The following NRXN3 variants were observed in gnomAD, a reference collection of about 807,000 sequenced individuals.
The protein encoded by NRXN3 is neurexin III.
NRXN3 carries 32 observed loss-of-function variants against 137.6 expected under a neutral mutation model. The observed-to-expected ratio is 0.23, with a 90% CI of 0.18 to 0.31. NRXN3 has a LOEUF of 0.31. NRXN3 is among the 10% of genes least tolerant of loss of function. NRXN3 has a pLI of 1.00. For synonymous variants in NRXN3, 798 were observed against 784.5 expected, an observed-to-expected ratio of 1.02 and a Z score of -0.29; for missense variants, 1,574 against 2,062.5, an observed-to-expected ratio of 0.76 and a Z score of 4.59.
At chr14:79,083,457 G>A (rs114100043) in intron 15 of NRXN3, among the ~76,000 whole-genome samples, 470 of 152,296 alleles carry the variant, frequency 3.1e-3, no homozygotes, top group African/African-American at 0.011. Context: ...TATATTGAGC[G>A]TTTGTAATGT....
At chr14:78,365,918 C>G (rs565419067) in intron 4 of NRXN3, among the ~76,000 whole-genome samples, 2 of 152,082 alleles carry the variant, frequency 1.3e-5, no homozygotes, top group African/African-American at 4.8e-5. Context: ...TGGAGAAAAG[C>G]GTAAAATATA....
At chr14:79,842,080 G>T (rs1490616687) in intron 20 of NRXN3, among the ~76,000 whole-genome samples, 1 of 152,200 alleles carries the variant, frequency 6.6e-6, no homozygotes, top group Non-Finnish European at 1.5e-5. Context: ...GGTATTCGTG[G>T]CTATTCCAGG....
intron 19 of NRXN3, among the ~76,000 whole-genome samples, chr14:79,782,052 T>C (rs2099115473): frequency 6.6e-6 from 1 of 152,142 alleles, no homozygotes; most frequent in Non-Finnish European, 1.5e-5. Context: ...CTGACAACCT[T>C]TGGATTCTTT....
chr14:78,222,333 T>TACACAC (rs72352115), intron 1 of NRXN3, among the ~76,000 whole-genome samples: 1 of 148,442 alleles, frequency 6.7e-6, no homozygotes, highest in South Asian at 2.1e-4. Flanking sequence ...CACACACACA[T>TACACAC]ACACACACAC....
At chr14:79,733,817 T>C (rs1281967760) in intron 19 of NRXN3, among the ~76,000 whole-genome samples, 1 of 152,126 alleles carries the variant, frequency 6.6e-6, no homozygotes, top group African/African-American at 2.4e-5. Flanking sequence ...TGTCTAAATT[T>C]ATCTTATTTT....
intron 16 of NRXN3, among the ~76,000 whole-genome samples, chr14:79,661,934 T>G (rs2098536388): frequency 6.6e-6 from 1 of 152,140 alleles, no homozygotes; most frequent in Non-Finnish European, 1.5e-5. Context: ...CCCAACGTGT[T>G]GTGGGAGGGA....
chr14:79,261,568 G>A (rs1282903392), intron 15 of NRXN3, among the ~76,000 whole-genome samples: 2 of 145,766 alleles, frequency 1.4e-5, no homozygotes, highest in Admixed American at 1.4e-4. Context: ...GGAAAATGGT[G>A]AGTGAGATGA....
At chr14:78,921,612 ATAGGGTGC>A (rs2099271100) in intron 10 of NRXN3, among the ~76,000 whole-genome samples, 2 of 152,178 alleles carry the variant, frequency 1.3e-5, no homozygotes, top group African/African-American at 4.8e-5. Context: ...AAAGCACAGG[ATAGGGTGC>A]TAGGTGGAGG....
chr14:78,553,072 A>G (rs2096707597), intron 4 of NRXN3, among the ~76,000 whole-genome samples: 1 of 152,212 alleles, frequency 6.6e-6, no homozygotes, highest in Admixed American at 6.5e-5. Flanking sequence ...TCATCATAAC[A>G]ACCTTATGAA....
intron 1 of NRXN3, among the ~76,000 whole-genome samples, chr14:78,188,180 T>C (rs1211187606): frequency 6.6e-6 from 1 of 152,096 alleles, no homozygotes; most frequent in Non-Finnish European, 1.5e-5. Flanking sequence ...TCAAGGTTTT[T>C]CCCCTATAGG....
chr14:78,800,293 A>C (rs773002099), intron 8 of NRXN3, among the ~76,000 whole-genome samples: 1 of 152,188 alleles, frequency 6.6e-6, no homozygotes, highest in Non-Finnish European at 1.5e-5. Flanking sequence ...CTAGAAAATG[A>C]GATAATAAAG....
At chr14:79,202,050 T>C (rs1185319462) in intron 15 of NRXN3, among the ~76,000 whole-genome samples, 1 of 151,934 alleles carries the variant, frequency 6.6e-6, no homozygotes, top group Non-Finnish European at 1.5e-5. Flanking sequence ...CCTTGAGTAA[T>C]CTGAGGAATG....
In NRXN3 at chr14:78,405,513, T is replaced by G. The variant is rs143107364; in HGVS notation, c.757+107653T>G. Among the ~76,000 whole-genome samples the G allele has an allele frequency of 6.4e-3, 972 of 151,762 alleles. 8 individuals are homozygous for G. Among genetic ancestry groups the G allele is most frequent in the Non-Finnish European group, 7.8e-3 (532 of 67,932 alleles). On this transcript the variant is annotated intron_variant, in intron 4 of 20. Coordinates refer to ENST00000335750, the MANE Select transcript of NRXN3 (RefSeq NM_001330195.2). ...TACACTATTATCACTGATCATTCCCTCCTCATCTCAGAGTGTTTGTCACTG... is the reference window on the plus strand; with the variant it reads ...TACACTATTATCACTGATCATTCCCGCCTCATCTCAGAGTGTTTGTCACTG...
At position 79,181,681 on chromosome 14, in the gene NRXN3, C is replaced by CAAA. The variant is rs10658164; in HGVS notation, c.3262+193558_3262+193560dup. Among the ~76,000 whole-genome samples, 187 of 97,456 alleles carry CAAA rather than the reference C, an allele frequency of 1.9e-3. 4 individuals are homozygous for CAAA. Among genetic ancestry groups the CAAA allele is most frequent in the South Asian group, 0.016 (40 of 2,544 alleles). The allele number at this position is 97,456 out of a possible 152,430, so 63.9% of individuals were successfully genotyped here. ...TGGGCAACAGAGTGTGACCCTGTCTCAAAAAAAAAAAAAAAAAAAATCTTA... is the reference window on the plus strand; with the variant it reads ...TGGGCAACAGAGTGTGACCCTGTCTCAAAAAAAAAAAAAAAAAAAAAAATCTTA... On this transcript the variant is annotated intron_variant, in intron 15 of 20. Transcript: ENST00000335750.
chr14:79,786,208 G>A (rs1318206009), intron 19 of NRXN3, among the ~76,000 whole-genome samples: 1 of 152,188 alleles, frequency 6.6e-6, no homozygotes, highest in Non-Finnish European at 1.5e-5. Context: ...TTTATGGACT[G>A]TCTTCACTTC....
chr14:78,297,039 C>A (rs1000967929), intron 3 of NRXN3, among the ~76,000 whole-genome samples: 2 of 152,272 alleles, frequency 1.3e-5, no homozygotes, highest in African/African-American at 4.8e-5. Context: ...CCCTGTTTGC[C>A]TTCCATAATA....
In NRXN3 at chr14:79,443,382, C is replaced by T. The variant is rs112785417; in HGVS notation, c.3263-23839C>T. Among the ~76,000 whole-genome samples the T allele has an allele frequency of 2.2e-4, 34 of 152,044 alleles. 1 individual carries two copies. The highest frequency in any genetic ancestry group is 8.0e-4 in the African/African-American group (33 of 41,450). On this transcript the variant is annotated intron_variant, in intron 15 of 20. Transcript: ENST00000335750. ...TTTGGCACCTCTATTAGATCTGGTC[C>T]GTAGTGGGTCTAAATAAGTATTTAT...
At chr14:78,809,698 G>T (rs1210015771) in intron 9 of NRXN3, among the ~76,000 whole-genome samples, 1 of 152,122 alleles carries the variant, frequency 6.6e-6, no homozygotes. Flanking sequence ...AATTTCTATA[G>T]CATTTGGGGC....
intron 2 of NRXN3, among the ~76,000 whole-genome samples, chr14:78,267,774 C>T (rs961025890): frequency 6.6e-6 from 1 of 152,144 alleles, no homozygotes; most frequent in Non-Finnish European, 1.5e-5. Context: ...ACTCTAAATC[C>T]CCCATTAGTG....
Sources: allele counts gnomAD v4.1 joint callset (sites outside exome capture counted in the v4.1 genomes callset), GRCh38; gene constraint gnomAD v4.1.1; transcripts MANE v1.5; gene names NCBI Gene and HGNC (gene_info 2026-07-23, HGNC 2026-07-21).